Variants in MAP2K5 observed in about 807,000 individuals in gnomAD.
MAP2K5 encodes the protein dual specificity mitogen-activated protein kinase kinase 5.
Under a neutral mutation model 83.1 loss-of-function variants are expected in MAP2K5, and 49 were observed. The observed-to-expected ratio is 0.59, with a 90% CI of 0.47 to 0.75. The LOEUF (loss-of-function observed/expected upper bound fraction) is 0.75, where lower values mean the gene tolerates loss of function less well. Ranked by LOEUF, MAP2K5 falls within the 30% of genes least tolerant of loss-of-function variation. The probability of loss-of-function intolerance (pLI) is 0.00; values close to 1 mark genes in which losing one functional copy is unlikely to be tolerated. For missense variants in MAP2K5, 457 were observed against 557.5 expected (o/e 0.82, Z 1.82); for synonymous variants, 202 against 191.8 (o/e 1.05, Z -0.44).
rs140693156 is a variant in MAP2K5 at position 67,627,163 on chromosome 15, G to T, written c.546-3725G>T. Among the ~76,000 whole-genome samples, 13 of 152,168 alleles carry T rather than the reference G, an allele frequency of 8.5e-5. No individual in the cohort carries two copies. In the East Asian group the frequency reaches 1.4e-3, roughly 16 times the overall value. Reference sequence around the variant, plus strand: ...AGTGTCTCCCTATGTTGCCCAGGCTGGTCTTGATCTCCTGGGTTCAAGTGA... The same window carrying T: ...AGTGTCTCCCTATGTTGCCCAGGCTTGTCTTGATCTCCTGGGTTCAAGTGA... On this transcript the variant is annotated intron_variant, in intron 8 of 21. Transcript: ENST00000178640.
At chr15:67,607,232 T>C (rs991734515) in intron 8 of MAP2K5, among the ~76,000 whole-genome samples, 17 of 152,238 alleles carry the variant, frequency 1.1e-4, no homozygotes, top group African/African-American at 3.1e-4. Context: ...TAAATATTTG[T>C]ATATGACTGG....
chr15:67,786,156 T>A lies in MAP2K5; in HGVS notation c.1242+13404T>A, dbSNP rs1278242352. 6.6e-6 allele frequency among the ~76,000 whole-genome samples: 1 copy of A among 152,240 alleles called. No homozygotes were observed. Among genetic ancestry groups the A allele is most frequent in the Admixed American group, 6.5e-5 (1 of 15,284 alleles). ...CTCATCTGTCTGATGTTCCTGGGTATTTCCAGCTTGTTGCCTCTTGGAAGA... is the reference window on the plus strand; with the variant it reads ...CTCATCTGTCTGATGTTCCTGGGTAATTCCAGCTTGTTGCCTCTTGGAAGA... On this transcript the variant is annotated intron_variant, in intron 21 of 21. Coordinates refer to ENST00000178640, the MANE Select transcript of MAP2K5 (RefSeq NM_145160.3). This position sits in a 1 kb window ranked among gnomAD's most constrained non-coding sequence, Gnocchi z 4.7.
intron 9 of MAP2K5, among the ~76,000 whole-genome samples, chr15:67,639,627 G>A (rs533643205): frequency 7.9e-5 from 12 of 152,296 alleles, no homozygotes; most frequent in African/African-American, 2.6e-4. Flanking sequence ...CCTCTCAAAA[G>A]TCTTCAGAGG....
At position 67,665,648 on chromosome 15, in the gene MAP2K5, GGT is replaced by G. The variant is rs1567346069; in HGVS notation, c.847+1004_847+1005del. Among the ~76,000 whole-genome samples the G allele has an allele frequency of 6.6e-6, 1 of 151,970 alleles. No homozygotes were observed. The highest frequency in any genetic ancestry group is 1.5e-5 in the Non-Finnish European group (1 of 67,996). Reference sequence around the variant, plus strand: ...TTCTGAAATCCTCCTTTTTAATGAGGGTATCTAGATTTTGACAAATCAAATAG... The same window carrying G: ...TTCTGAAATCCTCCTTTTTAATGAGGATCTAGATTTTGACAAATCAAATAG... On this transcript the variant is annotated intron_variant, in intron 13 of 21. Transcript: ENST00000178640. This position sits in a 1 kb window ranked among gnomAD's most constrained non-coding sequence, Gnocchi z 4.2.
rs2088944222 is a variant in MAP2K5 at position 67,720,879 on chromosome 15, C to A, written c.1045-7037C>A. Among the ~76,000 whole-genome samples the A allele has an allele frequency of 6.6e-6, 1 of 152,162 alleles. No homozygotes were observed. The highest frequency in any genetic ancestry group is 1.5e-5 in the Non-Finnish European group (1 of 68,038). ...CCCTATATTAGGTGAAGATTGTGAA[C>A]TAAGCTGCAATAAAGTGTAAGTTTA... On this transcript the variant is annotated intron_variant, in intron 16 of 21. Coordinates refer to ENST00000178640, the MANE Select transcript of MAP2K5 (RefSeq NM_145160.3). This position sits in a 1 kb window ranked among gnomAD's most constrained non-coding sequence, Gnocchi z 5.7.
intron 8 of MAP2K5, among the ~76,000 whole-genome samples, chr15:67,606,768 T>C (rs1356352495): frequency 6.6e-6 from 1 of 152,238 alleles, no homozygotes; most frequent in Non-Finnish European, 1.5e-5. Context: ...TTAGAAGGAC[T>C]GATGGTCATT....
Position 67,543,381 on chromosome 15 carries a change from G to C in MAP2K5, c.46G>C (p.Val16Leu), listed in dbSNP as rs1257360896. The change falls in exon 1 of 22, where the codon GTG (valine) becomes CTG (leucine). Residue 16 changes from valine to leucine, a missense_variant. Transcript: ENST00000178640. This position sits in a 1 kb window ranked among gnomAD's most constrained non-coding sequence, Gnocchi z 4.3. ...CCCCTTTCCTGCCATGGAGAACCAG[G>C]TGCTGGTAATTCGCATCAAGATCCC... Reference protein sequence around the residue: ...LGPFPAMENQVLVIRIKIPNS... With the variant: ...LGPFPAMENQLLVIRIKIPNS... 2 of 1,614,196 alleles carry C rather than the reference G, an allele frequency of 1.2e-6. No homozygotes were observed. Among genetic ancestry groups the C allele is most frequent in the Non-Finnish European group, 1.7e-6 (2 of 1,180,040 alleles).
At chr15:67,776,673 G>A (rs925520514) in intron 21 of MAP2K5, among the ~76,000 whole-genome samples, 5 of 152,188 alleles carry the variant, frequency 3.3e-5, no homozygotes, top group African/African-American at 1.2e-4. Context: ...TTCAATTTCT[G>A]TGTTTAAATA....
intron 16 of MAP2K5, among the ~76,000 whole-genome samples, chr15:67,721,950 TATG>T (rs749393906): frequency 2.6e-5 from 4 of 152,304 alleles, no homozygotes; most frequent in Admixed American, 1.3e-4. Context: ...TGCAGTGTAT[TATG>T]ATATCATACA....
intron 13 of MAP2K5, among the ~76,000 whole-genome samples, chr15:67,667,730 A>G (rs1291536718): frequency 6.6e-6 from 1 of 152,222 alleles, no homozygotes; most frequent in African/African-American, 2.4e-5. Flanking sequence ...TTCAGTATCT[A>G]ATGAGAAAAG....
intron 3 of MAP2K5, among the ~76,000 whole-genome samples, chr15:67,571,943 C>T (rs887633678): frequency 2.6e-5 from 4 of 152,100 alleles, no homozygotes; most frequent in African/African-American, 9.7e-5. Context: ...GCTCATGGTC[C>T]AGTCAGGGAG....
intron 9 of MAP2K5, among the ~76,000 whole-genome samples, chr15:67,633,414 A>G (rs1321474921): frequency 6.6e-6 from 1 of 152,240 alleles, no homozygotes; most frequent in Non-Finnish European, 1.5e-5. Flanking sequence ...AAAGTACATT[A>G]TACATTTTTC....
rs185367829 is a variant in MAP2K5 at position 67,783,431 on chromosome 15, T to G, written c.1242+10679T>G. 7.9e-4 allele frequency among the ~76,000 whole-genome samples: 120 copies of G among 152,242 alleles called. 1 individual carries two copies. The highest frequency in any genetic ancestry group is 6.8e-3 in the Middle Eastern group (2 of 294). ...ACAGTCATGTCTTTGCTTGTGCTGT[T>G]TTCTCACCGCCAGATGGTGAACTTC... On this transcript the variant is annotated intron_variant, in intron 21 of 21. Coordinates refer to ENST00000178640, the MANE Select transcript of MAP2K5 (RefSeq NM_145160.3). This position sits in a 1 kb window ranked among gnomAD's most constrained non-coding sequence, Gnocchi z 5.1.
rs538238749 is a variant in MAP2K5 at position 67,643,634 on chromosome 15, G to A, written c.586-2597G>A. On this transcript the variant is annotated intron_variant, in intron 9 of 21. Coordinates refer to ENST00000178640, the MANE Select transcript of MAP2K5 (RefSeq NM_145160.3). ...GCTAATTTTTTGTATTTTTAGTAGA[G>A]ATGGGGTTTCACCGTGTTAGCCAGG... is the stretch of plus-strand genomic sequence containing the variant. 7.0e-4 allele frequency among the ~76,000 whole-genome samples: 106 copies of A among 152,196 alleles called. 1 individual carries two copies. The highest frequency in any genetic ancestry group is 2.5e-3 in the African/African-American group (104 of 41,526).
chr15:67,692,940 G>A (rs2088154102), intron 14 of MAP2K5, among the ~76,000 whole-genome samples: 1 of 152,176 alleles, frequency 6.6e-6, no homozygotes, highest in South Asian at 2.1e-4. Flanking sequence ...CCATTACAAT[G>A]TGCAGCACAA....
intron 14 of MAP2K5, among the ~76,000 whole-genome samples, chr15:67,692,910 G>A (rs1457991690): frequency 6.6e-6 from 1 of 152,104 alleles, no homozygotes; most frequent in East Asian, 1.9e-4. Context: ...ATTAATATTG[G>A]GAGCAACAAT....
chr15:67,741,211 G>A (rs1313168829), intron 17 of MAP2K5, among the ~76,000 whole-genome samples: 3 of 152,094 alleles, frequency 2.0e-5, no homozygotes, highest in African/African-American at 7.2e-5. Flanking sequence ...GGTGACTGTG[G>A]TGGTGGAGAA....
intron 16 of MAP2K5, among the ~76,000 whole-genome samples, chr15:67,721,471 A>G (rs1257082652): frequency 6.6e-6 from 1 of 152,192 alleles, no homozygotes; most frequent in East Asian, 1.9e-4. Flanking sequence ...AAGCTCTCAG[A>G]CTACTTGGCA....
chr15:67,553,829 C>T (rs1005366678), intron 2 of MAP2K5, among the ~76,000 whole-genome samples: 15 of 137,102 alleles, frequency 1.1e-4, no homozygotes, highest in African/African-American at 1.9e-4. Context: ...AGGAGAATGG[C>T]GTGAACCCGG....
Sources: gnomAD v4.1 joint callset for allele counts (sites outside exome capture counted in the v4.1 genomes callset) on GRCh38, gnomAD v4.1.1 for gene constraint, Gnocchi (gnomAD v3.1) non-coding constraint, MANE v1.5 for transcripts, NCBI Gene and HGNC (gene_info 2026-07-23, HGNC 2026-07-21) for gene names.